CD247: variants seen among roughly 807,000 people sequenced by gnomAD.
The protein encoded by CD247 is CD247 molecule.
A neutral mutation model predicts 30.0 loss-of-function variants in CD247; 13 were observed. The ratio of observed to expected loss-of-function variants is 0.43; its 90% CI spans 0.28 to 0.69. The LOEUF (loss-of-function observed/expected upper bound fraction) is 0.69. Among genes scored for constraint, CD247 ranks in the 30% least tolerant of loss-of-function variants. The pLI is 0.16. For synonymous variants in CD247, 72 were observed against 80.0 expected, an observed-to-expected ratio of 0.90 and a Z score of 0.53; for missense variants, 193 against 212.6, an observed-to-expected ratio of 0.91 and a Z score of 0.57.
chr1:167,486,367 C>T (rs1185232558), intron 1 of CD247, among the ~76,000 whole-genome samples: 1 of 152,202 alleles, frequency 6.6e-6, no homozygotes, highest in Non-Finnish European at 1.5e-5. Context: ...CACTTAACCT[C>T]TCAGAGCACT....
At chr1:167,471,999 ATT>A (rs1293332432) in intron 1 of CD247, among the ~76,000 whole-genome samples, 4 of 151,136 alleles carry the variant, frequency 2.6e-5, no homozygotes, top group African/African-American at 9.7e-5. Flanking sequence ...CACCCAACTA[ATT>A]TTTTGTATTT....
chr1:167,454,680 G>A (rs1402720452), intron 1 of CD247, among the ~76,000 whole-genome samples: 1 of 142,986 alleles, frequency 7.0e-6, no homozygotes, highest in Non-Finnish European at 1.5e-5. Context: ...TTATTATCCA[G>A]TGCTGTAAGG....
At chr1:167,458,171 A>C (rs1413019082) in intron 1 of CD247, among the ~76,000 whole-genome samples, 1 of 152,234 alleles carries the variant, frequency 6.6e-6, no homozygotes, top group Non-Finnish European at 1.5e-5. Context: ...CTGCTCAGCG[A>C]TCCAGTGTTC....
chr1:167,471,079 G>A (rs1273367329), intron 1 of CD247, among the ~76,000 whole-genome samples: 1 of 152,006 alleles, frequency 6.6e-6, no homozygotes, highest in African/African-American at 2.4e-5. Flanking sequence ...CACCGTGCTA[G>A]CTAGGATGGT....
chr1:167,442,279 A>G (rs925827173), intron 1 of CD247, among the ~76,000 whole-genome samples: 5 of 152,126 alleles, frequency 3.3e-5, no homozygotes, highest in Admixed American at 3.3e-4. Context: ...TGGTAACTAG[A>G]GCAGAGGTCC....
At chr1:167,438,460 A>G (rs1390300745) in intron 4 of CD247, 110 bp downstream of exon 4, 11 of 866,102 alleles carry the variant, frequency 1.3e-5, no homozygotes, top group Non-Finnish European at 6.0e-6. Context: ...GGGCCCACAC[A>G]TGTGAGGGTC....
chr1:167,455,622 G>C (rs1476768186), intron 1 of CD247, among the ~76,000 whole-genome samples: 1 of 152,156 alleles, frequency 6.6e-6, no homozygotes, highest in East Asian at 1.9e-4. Context: ...TCCAGGGCCC[G>C]GGTTATCGCG....
chr1:167,489,304 T>G (rs1309838195), intron 1 of CD247, among the ~76,000 whole-genome samples: 1 of 152,206 alleles, frequency 6.6e-6, no homozygotes, highest in African/African-American at 2.4e-5. Context: ...CCACATCACC[T>G]TCTTTGAAAA....
intron 1 of CD247, among the ~76,000 whole-genome samples, chr1:167,469,301 T>C (rs1653403292): frequency 6.6e-6 from 1 of 152,108 alleles, no homozygotes; most frequent in Non-Finnish European, 1.5e-5. Flanking sequence ...TGGGACTGAG[T>C]CCATTTAAAT....
At chr1:167,437,105 TATTAACA>T (rs1651581240) in intron 4 of CD247, among the ~76,000 whole-genome samples, 1 of 152,146 alleles carries the variant, frequency 6.6e-6, no homozygotes, top group Non-Finnish European at 1.5e-5. Context: ...ATTGTAGTCC[TATTAACA>T]ATAACCAAGG....
chr1:167,453,241 A>T (rs2102013954), intron 1 of CD247, among the ~76,000 whole-genome samples: 1 of 152,204 alleles, frequency 6.6e-6, no homozygotes, highest in East Asian at 1.9e-4. Flanking sequence ...CAATTGAGTG[A>T]GGTAAGCCGG....
chr1:167,448,458 C>T (rs941483498), intron 1 of CD247: 25 of 985,392 alleles, frequency 2.5e-5, no homozygotes, highest in Non-Finnish European at 3.0e-5. Context: ...CTACAATTAG[C>T]TTTCTTTCAT....
At chr1:167,434,406 C>T (rs1651425945) in intron 5 of CD247, 1 of 417,166 alleles carries the variant, frequency 2.4e-6, no homozygotes, top group Non-Finnish European at 4.5e-6. Flanking sequence ...TCACCTGGAG[C>T]CCCAGAATCA....
rs1196396805 is a variant in CD247 at position 167,467,527 on chromosome 1, C to T, written c.59-26760G>A. Among the ~76,000 whole-genome samples, 3 of 152,180 alleles carry T rather than the reference C, an allele frequency of 2.0e-5. No individual in the cohort carries two copies. The East Asian group carries it at 5.8e-4, about 29-fold the overall frequency. Reference sequence around the variant, plus strand: ...GAGCACTTTGCAGTTAAATAGAAAGCGCTGAACTGTTTACGTTCCCTCCCC... The same window carrying T: ...GAGCACTTTGCAGTTAAATAGAAAGTGCTGAACTGTTTACGTTCCCTCCCC... On this transcript the variant is annotated intron_variant, in intron 1 of 7. Transcript: ENST00000362089.
intron 1 of CD247, among the ~76,000 whole-genome samples, chr1:167,490,292 C>T (rs1244047926): frequency 1.3e-5 from 2 of 152,184 alleles, no homozygotes; most frequent in Non-Finnish European, 2.9e-5. Flanking sequence ...TTCTCTCATT[C>T]TTTCTATCTT....
At chr1:167,485,914 G>A (rs1654188650) in intron 1 of CD247, among the ~76,000 whole-genome samples, 1 of 151,824 alleles carries the variant, frequency 6.6e-6, no homozygotes, top group Admixed American at 6.6e-5. Context: ...CAAGAAGGTT[G>A]AACAACCAGG....
At position 167,447,113 on chromosome 1, in the gene CD247, T is replaced by C. The variant is rs78587639; in HGVS notation, c.59-6346A>G. ...CACAAAATGATAATGATGTAACACA[T>C]GCATGAAGCATACAGTTTAGAGAGC... On this transcript the variant is annotated intron_variant, in intron 1 of 7. Coordinates refer to ENST00000362089, the MANE Select transcript of CD247 (RefSeq NM_198053.3). Among the ~76,000 whole-genome samples the C allele has an allele frequency of 9.6e-3, 1,459 of 152,336 alleles. 25 individuals carry two copies. Among genetic ancestry groups the C allele is most frequent in the South Asian group, 0.03 (147 of 4,828 alleles).
intron 1 of CD247, among the ~76,000 whole-genome samples, chr1:167,509,513 G>A (rs1432662990): frequency 2.0e-5 from 3 of 152,128 alleles, no homozygotes; most frequent in Non-Finnish European, 4.4e-5. Flanking sequence ...GATTAAATGC[G>A]TGTTTGCCTA....
At chr1:167,481,611 T>C (rs1004507754) in intron 1 of CD247, among the ~76,000 whole-genome samples, 4 of 152,196 alleles carry the variant, frequency 2.6e-5, no homozygotes, top group Admixed American at 2.6e-4. Flanking sequence ...TTCTAAACCA[T>C]ACATTTCTTG....
Sources: allele counts gnomAD v4.1 joint callset (sites outside exome capture counted in the v4.1 genomes callset), GRCh38; gene constraint gnomAD v4.1.1; transcripts MANE v1.5; gene names NCBI Gene and HGNC (gene_info 2026-07-23, HGNC 2026-07-21).